The following CSMD1 variants were observed in gnomAD, a reference collection of about 807,000 sequenced individuals.
The protein encoded by CSMD1 is CUB and Sushi multiple domains 1.
In CSMD1, 213 loss-of-function variants were observed where a neutral mutation model predicts 417.5. That is an observed-to-expected ratio of 0.51 (90% confidence interval 0.46 to 0.57). The LOEUF is 0.57. Ranked by LOEUF, CSMD1 falls within the 20% of genes least tolerant of loss-of-function variation. The pLI is 0.00. For missense variants in CSMD1, 6,923 were observed against 4,529.7 expected, an observed-to-expected ratio of 1.53 and a Z score of -15.17; for synonymous variants, 2,862 against 1,736.8, an observed-to-expected ratio of 1.65 and a Z score of -16.11.
chr8:4,632,020 G>C (rs895172881), intron 2 of CSMD1, among the ~76,000 whole-genome samples: 3 of 152,164 alleles, frequency 2.0e-5, no homozygotes, highest in South Asian at 2.1e-4. Context: ...GTTGGAAATA[G>C]ATGTCAACGT....
chr8:3,712,426 C>A (rs201498680), intron 6 of CSMD1, among the ~76,000 whole-genome samples: 18 of 137,764 alleles, frequency 1.3e-4, no homozygotes, highest in African/African-American at 4.1e-4. Flanking sequence ...GACAGACAGA[C>A]AGACAGACAG....
intron 7 of CSMD1, among the ~76,000 whole-genome samples, chr8:3,671,137 A>C (rs916623106): frequency 6.8e-6 from 1 of 146,946 alleles, no homozygotes; most frequent in Non-Finnish European, 1.5e-5. Context: ...TATGTATGGG[A>C]TATATGTATA....
chr8:3,296,286 C>A (rs1387488110), intron 25 of CSMD1, among the ~76,000 whole-genome samples: 3 of 151,544 alleles, frequency 2.0e-5, no homozygotes, highest in Admixed American at 6.6e-5. Flanking sequence ...TTCAGCCAAG[C>A]AGAAGCCCCA....
intron 1 of CSMD1, among the ~76,000 whole-genome samples, chr8:4,655,698 G>A (rs1031717605): frequency 5.9e-5 from 9 of 152,050 alleles, no homozygotes; most frequent in South Asian, 2.1e-4. Flanking sequence ...ACTAGGACAC[G>A]AAGAGGTGTT....
chr8:3,930,258 C>T (rs527533003), intron 5 of CSMD1, among the ~76,000 whole-genome samples: 4 of 150,354 alleles, frequency 2.7e-5, no homozygotes, highest in Admixed American at 6.6e-5. Context: ...TCCTCCCCAT[C>T]TAATTAGGAA....
chr8:3,516,043 A>G (rs1171440051), intron 10 of CSMD1, among the ~76,000 whole-genome samples: 2 of 152,200 alleles, frequency 1.3e-5, no homozygotes, highest in Non-Finnish European at 2.9e-5. Flanking sequence ...AGATGATCCT[A>G]TTAGAACTCC....
At chr8:3,116,187 A>G (rs564781543) in intron 42 of CSMD1, among the ~76,000 whole-genome samples, 1 of 152,326 alleles carries the variant, frequency 6.6e-6, no homozygotes, top group African/African-American at 2.4e-5. Flanking sequence ...TTAAACACAC[A>G]TTGGATGGTT....
intron 10 of CSMD1, among the ~76,000 whole-genome samples, chr8:3,562,398 GCATACACACACATGCACAAACACA>G (rs1015438780): frequency 1.1e-4 from 16 of 145,006 alleles, no homozygotes; most frequent in African/African-American, 3.9e-4. Context: ...GTACACACAT[GCATACACACACATGCACAAACACA>G]CATGCACACA....
chr8:3,846,880 G>A (rs1397227597), intron 5 of CSMD1, among the ~76,000 whole-genome samples: 1 of 152,110 alleles, frequency 6.6e-6, no homozygotes, highest in African/African-American at 2.4e-5. Context: ...TCATCATGTT[G>A]GCCAAGCTGG....
intron 1 of CSMD1, among the ~76,000 whole-genome samples, chr8:4,852,718 C>G (rs1332806901): frequency 1.3e-5 from 2 of 152,082 alleles, no homozygotes; most frequent in Non-Finnish European, 2.9e-5. Flanking sequence ...TTTGGAGATC[C>G]TTAGAAACTG....
At chr8:4,082,226 G>C (rs1317933322) in intron 3 of CSMD1, among the ~76,000 whole-genome samples, 1 of 152,040 alleles carries the variant, frequency 6.6e-6, no homozygotes. Context: ...GACCACACAG[G>C]TAAAATGGAC....
intron 1 of CSMD1, among the ~76,000 whole-genome samples, chr8:4,661,667 G>A (rs905500724): frequency 5.3e-5 from 8 of 152,040 alleles, no homozygotes; most frequent in Non-Finnish European, 1.0e-4. Context: ...ATATCTCTCC[G>A]TATTATTGTT....
chr8:3,948,178 C>T (rs1479815084), intron 5 of CSMD1, among the ~76,000 whole-genome samples: 1 of 152,028 alleles, frequency 6.6e-6, no homozygotes, highest in African/African-American at 2.4e-5. Context: ...ACACTGCAGC[C>T]TGGCAACAGA....
At chr8:3,523,784 G>T (rs1031581667) in intron 10 of CSMD1, among the ~76,000 whole-genome samples, 1 of 133,524 alleles carries the variant, frequency 7.5e-6, no homozygotes, top group South Asian at 2.3e-4. Flanking sequence ...TGCACACCCA[G>T]AGACATATGC....
intron 3 of CSMD1, among the ~76,000 whole-genome samples, chr8:4,039,686 G>C (rs1317743962): frequency 1.3e-5 from 2 of 152,166 alleles, no homozygotes; most frequent in South Asian, 2.1e-4. Flanking sequence ...ATGAGGAAGT[G>C]AGCTGTAAAT....
chr8:4,042,071 T>A (rs575563037), intron 3 of CSMD1, among the ~76,000 whole-genome samples: 1 of 151,820 alleles, frequency 6.6e-6, no homozygotes, highest in East Asian at 1.9e-4. Context: ...GTAATTAAAC[T>A]CACTGAAGGC....
At chr8:4,966,868 T>G (rs1809897297) in intron 1 of CSMD1, among the ~76,000 whole-genome samples, 1 of 152,212 alleles carries the variant, frequency 6.6e-6, no homozygotes, top group African/African-American at 2.4e-5. Context: ...AAGATCATCT[T>G]TCCCTTATTC....
At chr8:3,926,188 G>A (rs1584977644) in intron 5 of CSMD1, among the ~76,000 whole-genome samples, 1 of 151,612 alleles carries the variant, frequency 6.6e-6, no homozygotes, top group Non-Finnish European at 1.5e-5. Flanking sequence ...ATTTTTCCCA[G>A]ACATGATTTT....
intron 3 of CSMD1, among the ~76,000 whole-genome samples, chr8:4,230,023 A>T (rs987625181): frequency 6.6e-6 from 1 of 152,214 alleles, no homozygotes; most frequent in African/African-American, 2.4e-5. Context: ...TTGCTATTCA[A>T]CATTTTAAAC....
Sources: gnomAD v4.1 joint callset for allele counts (sites outside exome capture counted in the v4.1 genomes callset) on GRCh38, gnomAD v4.1.1 for gene constraint, MANE v1.5 for transcripts, NCBI Gene and HGNC (gene_info 2026-07-23, HGNC 2026-07-21) for gene names.